Variants in BCL7C observed in about 807,000 individuals in gnomAD.
BCL7C encodes the protein B-cell CLL/lymphoma 7 protein family member C.
A neutral mutation model predicts 26.2 loss-of-function variants in BCL7C; 8 were observed. The observed-to-expected ratio is 0.30, with a 90% CI of 0.18 to 0.55. The LOEUF (loss-of-function observed/expected upper bound fraction) is 0.55, where lower values mean the gene tolerates loss of function less well. BCL7C is among the 20% of genes least tolerant of loss of function. BCL7C has a pLI of 0.93. For synonymous variants in BCL7C, 90 were observed against 116.5 expected (o/e 0.77, Z 1.47); for missense variants, 262 against 298.5 (o/e 0.88, Z 0.90).
downstream of BCL7C, chr16:30,887,673 T>G: frequency 1.1e-6 from 1 of 893,280 alleles, no homozygotes; most frequent in African/African-American, 1.8e-5. Flanking sequence ...CTCTGCCTTG[T>G]GGTGTCACTA....
Position 30,893,842 on chromosome 16 carries a change from G to GATCTA in BCL7C, c.92+10_92+11insTAGAT. 1 of 1,599,786 alleles carries GATCTA rather than the reference G, an allele frequency of 6.3e-7. No individual in the cohort carries two copies. The highest frequency in any genetic ancestry group is 1.7e-5 in the Admixed American group (1 of 59,904). On this transcript the variant is annotated intron_variant, in intron 1 of 5. Coordinates refer to ENST00000215115, the MANE Select transcript of BCL7C (RefSeq NM_004765.4). This position sits in a 1 kb window ranked among gnomAD's most constrained non-coding sequence, Gnocchi z 5.2. ...GCTGTGTCCCGTCCCTGGCCCCCGAGCAGCGCTCACCATCTCCGGACCTTC... is the reference window on the plus strand; with the variant it reads ...GCTGTGTCCCGTCCCTGGCCCCCGAGATCTACAGCGCTCACCATCTCCGGACCTTC...
At chr16:30,873,331 C>T (rs2054897521) in intron 5 of BCL7C, among the ~76,000 whole-genome samples, 1 of 152,080 alleles carries the variant, frequency 6.6e-6, no homozygotes, top group Non-Finnish European at 1.5e-5. Context: ...TCTATAGAGA[C>T]AGAAAGTAGA....
intron 4 of BCL7C, among the ~76,000 whole-genome samples, chr16:30,891,816 T>G (rs2055242113): frequency 6.6e-6 from 1 of 151,776 alleles, no homozygotes; most frequent in Non-Finnish European, 1.5e-5. Context: ...AATTTAAGAA[T>G]TGGCTGGGCA....
intron 5 of BCL7C, among the ~76,000 whole-genome samples, chr16:30,867,288 T>C (rs2054837435): frequency 6.6e-6 from 1 of 152,190 alleles, no homozygotes; most frequent in South Asian, 2.1e-4. Flanking sequence ...TGTTTTGTAA[T>C]ACTATCTTAG....
intron 5 of BCL7C, among the ~76,000 whole-genome samples, chr16:30,874,206 G>C (rs1448188643): frequency 6.6e-6 from 1 of 151,920 alleles, no homozygotes; most frequent in African/African-American, 2.4e-5. Context: ...ATGTTGGCCA[G>C]ACTGGTCTTG....
At chr16:30,881,132 C>T (rs1461911925) in intron 5 of BCL7C, among the ~76,000 whole-genome samples, 3 of 152,198 alleles carry the variant, frequency 2.0e-5, no homozygotes, top group African/African-American at 4.8e-5. Context: ...TGCCGTGGCT[C>T]ATGCCTGTAA....
At chr16:30,838,224 T>A (rs1406374562) in intron 5 of BCL7C, among the ~76,000 whole-genome samples, 1 of 152,188 alleles carries the variant, frequency 6.6e-6, no homozygotes, top group Admixed American at 6.5e-5. Context: ...TAATATAACA[T>A]TACAAAGCCT....
chr16:30,853,061 G>A (rs1446088508), intron 5 of BCL7C, among the ~76,000 whole-genome samples: 1 of 151,594 alleles, frequency 6.6e-6, no homozygotes, highest in African/African-American at 2.4e-5. Flanking sequence ...TCTGCCTCCC[G>A]AGTAGCTGGG....
At chr16:30,861,500 C>T (rs1328625922) in intron 5 of BCL7C, among the ~76,000 whole-genome samples, 10 of 152,202 alleles carry the variant, frequency 6.6e-5, no homozygotes, top group Non-Finnish European at 1.3e-4. Context: ...AGCCGTGTCC[C>T]ATCTGTGTGG....
chr16:30,872,851 G>T (rs1044080175), intron 5 of BCL7C, among the ~76,000 whole-genome samples: 1 of 152,110 alleles, frequency 6.6e-6, no homozygotes, highest in Admixed American at 6.6e-5. Flanking sequence ...TTTCTTCATC[G>T]GTAAAATCAT....
intron 5 of BCL7C, among the ~76,000 whole-genome samples, chr16:30,866,071 G>C (rs1230724258): frequency 6.6e-6 from 1 of 151,908 alleles, no homozygotes; most frequent in Non-Finnish European, 1.5e-5. Context: ...CCTCATAATA[G>C]ACGAGAACAA....
chr16:30,849,145 C>CAT (rs1567309394), intron 5 of BCL7C, among the ~76,000 whole-genome samples: 2 of 151,484 alleles, frequency 1.3e-5, no homozygotes, highest in Non-Finnish European at 2.9e-5. Flanking sequence ...CGAGATTGAG[C>CAT]CACTGCACTC....
At chr16:30,891,434 C>G (rs1254403877) in intron 4 of BCL7C, among the ~76,000 whole-genome samples, 1 of 152,074 alleles carries the variant, frequency 6.6e-6, no homozygotes, top group Admixed American at 6.5e-5. Flanking sequence ...CGCACTCCAG[C>G]CTTGGCAAGA....
chr16:30,856,809 G>C (rs763482997), intron 5 of BCL7C, among the ~76,000 whole-genome samples: 10 of 152,182 alleles, frequency 6.6e-5, no homozygotes, highest in Non-Finnish European at 1.3e-4. Flanking sequence ...AGAGGTGAGA[G>C]CGTAGGGACT....
Position 30,893,834 on chromosome 16 carries a change from G to A in BCL7C, c.92+19C>T, listed in dbSNP as rs757641673. ...GTGGTCCCGCTGTGTCCCGTCCCTGGCCCCCGAGCAGCGCTCACCATCTCC... is the reference window on the plus strand; with the variant it reads ...GTGGTCCCGCTGTGTCCCGTCCCTGACCCCCGAGCAGCGCTCACCATCTCC... On this transcript the variant is annotated intron_variant, in intron 1 of 5. Transcript: ENST00000215115. The surrounding 1 kb of genome is among the most constrained non-coding windows in gnomAD (Gnocchi z 5.2). 5.0e-6 allele frequency: 8 copies of A among 1,596,368 alleles called. No homozygotes were observed. The South Asian group carries it at 8.8e-5, about 18-fold the overall frequency.
chr16:30,871,519 C>A (rs902541745), intron 5 of BCL7C, among the ~76,000 whole-genome samples: 2 of 152,078 alleles, frequency 1.3e-5, no homozygotes, highest in Non-Finnish European at 2.9e-5. Context: ...GAGTCTCACT[C>A]TGTCGCCCAG....
chr16:30,865,707 A>C (rs1479274595), intron 5 of BCL7C, among the ~76,000 whole-genome samples: 2 of 149,318 alleles, frequency 1.3e-5, no homozygotes, highest in Non-Finnish European at 3.0e-5. Flanking sequence ...TACCGTGCAC[A>C]TACATATGGC....
At chr16:30,846,676 G>A (rs1282476817) in intron 5 of BCL7C, among the ~76,000 whole-genome samples, 1 of 152,160 alleles carries the variant, frequency 6.6e-6, no homozygotes, top group African/African-American at 2.4e-5. Flanking sequence ...CTCCCATTGT[G>A]GCTTCTGCCT....
chr16:30,868,389 G>A (rs1435638317), intron 5 of BCL7C, among the ~76,000 whole-genome samples: 4 of 147,594 alleles, frequency 2.7e-5, no homozygotes, highest in East Asian at 4.1e-4. Context: ...CGCCCACCTC[G>A]GCCTCCCAAA....
Sources: allele counts gnomAD v4.1 joint callset (sites outside exome capture counted in the v4.1 genomes callset), GRCh38; gene constraint gnomAD v4.1.1; non-coding constraint Gnocchi (gnomAD v3.1); transcripts MANE v1.5; gene names NCBI Gene and HGNC (gene_info 2026-07-23, HGNC 2026-07-21).